Variants in KANK1 observed in about 807,000 individuals in gnomAD.
KANK1 encodes KN motif and ankyrin repeat domains 1.
Under a neutral mutation model 106.2 loss-of-function variants are expected in KANK1, and 109 were observed. The ratio of observed to expected loss-of-function variants is 1.03; its 90% confidence interval spans 0.88 to 1.20. The LOEUF (loss-of-function observed/expected upper bound fraction) is 1.20, where lower values mean the gene tolerates loss of function less well. Ranked by LOEUF, KANK1 falls within the 50% of genes most tolerant of loss-of-function variation. KANK1 has a pLI of 0.00. For synonymous variants in KANK1, 873 were observed against 652.2 expected (o/e 1.34, Z -5.16); for missense variants, 2,399 against 1,710.7 (o/e 1.40, Z -7.10).
intron 1 of KANK1, among the ~76,000 whole-genome samples, chr9:640,837 C>T (rs529488401): frequency 6.6e-6 from 1 of 152,034 alleles, no homozygotes; most frequent in South Asian, 2.1e-4. Context: ...GCTGGACCTA[C>T]ATGTGCCCGC....
intron 1 of KANK1, among the ~76,000 whole-genome samples, chr9:640,540 G>T (rs1325220219): frequency 6.6e-6 from 1 of 151,934 alleles, no homozygotes; most frequent in Non-Finnish European, 1.5e-5. Context: ...TGGGATTACA[G>T]GCGCCTACCA....
intron 1 of KANK1, among the ~76,000 whole-genome samples, chr9:536,462 T>C (rs2060305929): frequency 6.6e-6 from 1 of 152,186 alleles, no homozygotes; most frequent in African/African-American, 2.4e-5. Context: ...CTGAAGGTTT[T>C]GGGGAGAATC....
intron 3 of KANK1, among the ~76,000 whole-genome samples, chr9:713,680 G>T (rs1826863196): frequency 1.3e-5 from 2 of 152,180 alleles, no homozygotes; most frequent in Admixed American, 1.3e-4. Flanking sequence ...TCTGGCTGAG[G>T]ACTAACGCTG....
At chr9:608,034 A>ATTTTTTTTTT (rs35949327) in intron 1 of KANK1, among the ~76,000 whole-genome samples, 16 of 115,338 alleles carry the variant, frequency 1.4e-4, no homozygotes, top group African/African-American at 3.0e-4. Flanking sequence ...TATTATTATT[A>ATTTTTTTTTT]TTTTTTTTTT....
At chr9:540,446 A>G (rs958315153) in intron 1 of KANK1, 3 of 152,180 alleles carry the variant, frequency 2.0e-5, no homozygotes, top group Non-Finnish European at 2.9e-5. Flanking sequence ...CTGGTATTAT[A>G]TTGAGGATTT....
chr9:519,268 A>G (rs925918768), intron 1 of KANK1, among the ~76,000 whole-genome samples: 1 of 151,808 alleles, frequency 6.6e-6, no homozygotes, highest in African/African-American at 2.4e-5. Flanking sequence ...CTGGATATCA[A>G]GATCTGTCAG....
At chr9:668,778 C>A (rs1046132011) in intron 1 of KANK1, among the ~76,000 whole-genome samples, 16 of 152,144 alleles carry the variant, frequency 1.1e-4, no homozygotes, top group Middle Eastern at 6.3e-3. Context: ...TCATGGAAGA[C>A]ATTTTTTCCA....
intron 1 of KANK1, among the ~76,000 whole-genome samples, chr9:662,407 C>A (rs764344204): frequency 6.6e-6 from 1 of 152,136 alleles, no homozygotes; most frequent in Non-Finnish European, 1.5e-5. Flanking sequence ...GGAGGCATCA[C>A]GCTACCTGAC....
intron 1 of KANK1, among the ~76,000 whole-genome samples, chr9:598,702 C>A (rs1342658564): frequency 7.8e-6 from 1 of 128,920 alleles, no homozygotes; most frequent in East Asian, 2.2e-4. Context: ...ACGACCTCGG[C>A]TCACTGCAAC....
rs760614260 is a variant in KANK1, at chr9:734,826, C to T, written c.3324C>T (p.Ser1108=). 2.5e-6 allele frequency: 4 copies of T among 1,612,242 alleles called. No homozygotes were observed. Among genetic ancestry groups the T allele is most frequent in the Middle Eastern group, 1.7e-4 (1 of 6,058 alleles). ...TAAATGACCCCAAAGCTTTGACCAGCAAAGATATGGTGAGTCTGACCTGCA... is the reference window on the plus strand; with the variant it reads ...TAAATGACCCCAAAGCTTTGACCAGTAAAGATATGGTGAGTCTGACCTGCA... ...NTINDPKALT[S]KDMRFCLNTL... is the part of the protein sequence containing the mutation. The change falls in exon 7 of 12, where the codon AGC becomes AGT. Residue 1108 remains serine (S), a synonymous_variant. Coordinates refer to ENST00000382297, the MANE Select transcript of KANK1 (RefSeq NM_015158.5).
intron 1 of KANK1, among the ~76,000 whole-genome samples, chr9:563,029 A>G (rs147377605): frequency 1.4e-3 from 215 of 152,330 alleles, no homozygotes; most frequent in African/African-American, 4.9e-3. Context: ...TCACTCTCAC[A>G]GCCAGATTCT....
chr9:702,758 C>T (rs1414777524), intron 2 of KANK1, among the ~76,000 whole-genome samples: 1 of 152,122 alleles, frequency 6.6e-6, no homozygotes, highest in Non-Finnish European at 1.5e-5. Context: ...ACTTGCCCTG[C>T]TCCAGGATGT....
chr9:487,335 C>G (rs1394166718), intron 3 of KANK1, among the ~76,000 whole-genome samples: 1 of 152,178 alleles, frequency 6.6e-6, no homozygotes, highest in Non-Finnish European at 1.5e-5. Flanking sequence ...GAAATTCAAA[C>G]TTTATTATAA....
At chr9:554,956 C>G (rs2061493442) in intron 1 of KANK1, among the ~76,000 whole-genome samples, 1 of 152,184 alleles carries the variant, frequency 6.6e-6, no homozygotes, top group Non-Finnish European at 1.5e-5. Flanking sequence ...GTGAAGTCTA[C>G]TAATTCAAAT....
At chr9:525,379 G>GTT (rs1226015589) in intron 1 of KANK1, among the ~76,000 whole-genome samples, 6 of 150,964 alleles carry the variant, frequency 4.0e-5, no homozygotes. Flanking sequence ...GTGTGTGTGT[G>GTT]TGTGTATTTA....
At chr9:644,664 C>A (rs1241872308) in intron 1 of KANK1, among the ~76,000 whole-genome samples, 1 of 150,790 alleles carries the variant, frequency 6.6e-6, no homozygotes, top group African/African-American at 2.5e-5. Flanking sequence ...GAGAACTCTG[C>A]CCCCATGATC....
chr9:736,179 C>G (rs1035689819), intron 7 of KANK1, among the ~76,000 whole-genome samples: 1 of 152,114 alleles, frequency 6.6e-6, no homozygotes, highest in Non-Finnish European at 1.5e-5. Flanking sequence ...AGGATGGTCT[C>G]GATCTCCTGA....
chr9:623,785 G>A (rs550253050), intron 1 of KANK1, among the ~76,000 whole-genome samples: 3 of 152,036 alleles, frequency 2.0e-5, no homozygotes, highest in East Asian at 1.9e-4. Flanking sequence ...ACCCTTGTAC[G>A]CTATTAGGGT....
At chr9:621,770 TACTC>T (rs1470829350) in intron 1 of KANK1, among the ~76,000 whole-genome samples, 2 of 152,186 alleles carry the variant, frequency 1.3e-5, no homozygotes, top group East Asian at 1.9e-4. Context: ...CAGCCCTGCT[TACTC>T]ACTCGCTTGT....
Sources: gnomAD v4.1 joint callset for allele counts (sites outside exome capture counted in the v4.1 genomes callset) on GRCh38, gnomAD v4.1.1 for gene constraint, MANE v1.5 for transcripts, NCBI Gene and HGNC (gene_info 2026-07-23, HGNC 2026-07-21) for gene names.